FIGN: variants seen among roughly 807,000 people sequenced by gnomAD.
FIGN encodes the protein fidgetin, microtubule severing factor, also known as fidgetin.
FIGN carries 11 observed loss-of-function variants against 51.3 expected under a neutral mutation model. The ratio of observed to expected loss-of-function variants is 0.21; its 90% CI spans 0.13 to 0.35. The LOEUF is 0.35. Ranked by LOEUF, FIGN falls within the 10% of genes least tolerant of loss-of-function variation. The pLI, the probability that FIGN is intolerant of heterozygous loss-of-function variation, is 1.00. For missense variants in FIGN, 857 were observed against 943.6 expected (o/e 0.91, Z 1.20); for synonymous variants, 407 against 363.2 (o/e 1.12, Z -1.37).
chr2:163,664,804 A>G (rs997426684), intron 2 of FIGN, among the ~76,000 whole-genome samples: 3 of 152,232 alleles, frequency 2.0e-5, no homozygotes, highest in African/African-American at 7.2e-5. Flanking sequence ...ATTTCCTTCA[A>G]ATGAATTTGC....
chr2:163,614,641 T>C (rs960247309), intron 2 of FIGN, among the ~76,000 whole-genome samples: 2 of 151,984 alleles, frequency 1.3e-5, no homozygotes, highest in African/African-American at 4.8e-5. Flanking sequence ...CAACAAATAA[T>C]TTAGAAGTAC....
In FIGN at chr2:163,615,046, A is replaced by T. The variant is rs115146531; in HGVS notation, c.26-3240T>A. Reference sequence around the variant, plus strand: ...TTCGTAAGATTTCTTTTTTACCTGAAATTAAGCAAAGATCATATTTATCAA... The same window carrying T: ...TTCGTAAGATTTCTTTTTTACCTGATATTAAGCAAAGATCATATTTATCAA... On this transcript the variant is annotated intron_variant, in intron 2 of 2. Coordinates refer to ENST00000333129, the MANE Select transcript of FIGN (RefSeq NM_018086.4). Among the ~76,000 whole-genome samples, 1,265 of 152,254 alleles carry T rather than the reference A, an allele frequency of 8.3e-3. 14 individuals carry two copies. The highest frequency in any genetic ancestry group is 0.029 in the African/African-American group (1,199 of 41,534).
At chr2:163,684,900 G>A (rs930306136) in intron 2 of FIGN, among the ~76,000 whole-genome samples, 34 of 150,972 alleles carry the variant, frequency 2.3e-4, no homozygotes, top group Non-Finnish European at 3.4e-4. Context: ...TCAGCCTCCC[G>A]AGTAGCTGGG....
chr2:163,612,692 ATGTGTGTGTG>A (rs10678331), intron 2 of FIGN: 3 of 385,002 alleles, frequency 7.8e-6, no homozygotes, highest in African/African-American at 2.4e-5. Flanking sequence ...AGAGGGGAGA[ATGTGTGTGTG>A]TGTGTGTGTG....
chr2:163,714,669 T>A (rs536912195), intron 2 of FIGN, among the ~76,000 whole-genome samples: 2 of 152,214 alleles, frequency 1.3e-5, no homozygotes, highest in Admixed American at 6.5e-5. Flanking sequence ...CTGATTAGCA[T>A]CTTCCAACTT....
chr2:163,693,815 G>A (rs1014048014), intron 2 of FIGN, among the ~76,000 whole-genome samples: 9 of 152,130 alleles, frequency 5.9e-5, no homozygotes, highest in Non-Finnish European at 1.2e-4. Flanking sequence ...ATATATCTGA[G>A]GTGATACGAA....
intron 2 of FIGN, among the ~76,000 whole-genome samples, chr2:163,658,348 A>C (rs1683595222): frequency 6.8e-6 from 1 of 146,770 alleles, no homozygotes; most frequent in Non-Finnish European, 1.5e-5. Flanking sequence ...TTATCAGCGA[A>C]TCTTCTTAAG....
intron 2 of FIGN, among the ~76,000 whole-genome samples, chr2:163,710,083 CT>C (rs1214831549): frequency 6.6e-6 from 1 of 152,232 alleles, no homozygotes; most frequent in South Asian, 2.1e-4. Context: ...AGTTTTGTGC[CT>C]TCTACACAAA....
chr2:163,679,248 C>G (rs969829046), intron 2 of FIGN, among the ~76,000 whole-genome samples: 3 of 152,008 alleles, frequency 2.0e-5, no homozygotes, highest in African/African-American at 7.3e-5. Flanking sequence ...AATCCCAGCA[C>G]TTTGGGAGGC....
At chr2:163,622,383 T>A (rs976693794) in intron 2 of FIGN, among the ~76,000 whole-genome samples, 1 of 151,912 alleles carries the variant, frequency 6.6e-6, no homozygotes, top group African/African-American at 2.4e-5. Context: ...TTTGGTGGAG[T>A]TAAAGGCATA....
chr2:163,680,084 T>G (rs560381584), intron 2 of FIGN, among the ~76,000 whole-genome samples: 3 of 152,202 alleles, frequency 2.0e-5, no homozygotes, highest in Non-Finnish European at 4.4e-5. Context: ...TAAAGCATGT[T>G]TACTCAAAGG....
chr2:163,633,128 G>T (rs1683173218), intron 2 of FIGN, among the ~76,000 whole-genome samples: 2 of 152,086 alleles, frequency 1.3e-5, no homozygotes, highest in South Asian at 4.1e-4. Flanking sequence ...AGGCCGCAGT[G>T]AGCCATGAGT....
chr2:163,714,756 AGCTTCT>A (rs1684643027), intron 2 of FIGN, among the ~76,000 whole-genome samples: 1 of 152,238 alleles, frequency 6.6e-6, no homozygotes, highest in Non-Finnish European at 1.5e-5. Flanking sequence ...CACCTAAAGC[AGCTTCT>A]TGAAAATTAA....
At chr2:163,652,917 C>T (rs544402405) in intron 2 of FIGN, among the ~76,000 whole-genome samples, 8 of 152,038 alleles carry the variant, frequency 5.3e-5, no homozygotes, top group Admixed American at 3.3e-4. Context: ...ATTACTATAG[C>T]GTGAGGAATA....
chr2:163,706,514 C>T (rs1344282200), intron 2 of FIGN, among the ~76,000 whole-genome samples: 1 of 151,970 alleles, frequency 6.6e-6, no homozygotes, highest in African/African-American at 2.4e-5. Flanking sequence ...TAAAATAAAC[C>T]TAATCATGAT....
At chr2:163,632,913 AGGT>A (rs1262776802) in intron 2 of FIGN, among the ~76,000 whole-genome samples, 1 of 152,160 alleles carries the variant, frequency 6.6e-6, no homozygotes, top group Non-Finnish European at 1.5e-5. Context: ...TTCCTAGGCC[AGGT>A]TGGGTGGCTC....
chr2:163,667,179 C>T lies in FIGN; in HGVS notation c.26-55373G>A, dbSNP rs943411069. Among the ~76,000 whole-genome samples, 9 of 151,928 alleles carry T rather than the reference C, an allele frequency of 5.9e-5. No individual in the cohort carries two copies. In the East Asian group the frequency reaches 1.6e-3, roughly 26 times the overall value. ...CTGCATTCACACAGACTCACCAATA[C>T]AACTGATTTCATCTCTGACTTCTTT... On this transcript the variant is annotated intron_variant, in intron 2 of 2. Transcript: ENST00000333129.
chr2:163,624,666 A>G (rs1683026547), intron 2 of FIGN, among the ~76,000 whole-genome samples: 2 of 148,184 alleles, frequency 1.3e-5, no homozygotes, highest in South Asian at 4.2e-4. Flanking sequence ...ATTCCAAAGC[A>G]TCAAGGAAAG....
chr2:163,726,962 T>C (rs1684847429), intron 2 of FIGN, among the ~76,000 whole-genome samples: 1 of 152,100 alleles, frequency 6.6e-6, no homozygotes, highest in African/African-American at 2.4e-5. Flanking sequence ...CCTTCAATCT[T>C]AAGGGAACCT....
Sources: gnomAD v4.1 joint callset for allele counts (sites outside exome capture counted in the v4.1 genomes callset) on GRCh38, gnomAD v4.1.1 for gene constraint, MANE v1.5 for transcripts, NCBI Gene and HGNC (gene_info 2026-07-23, HGNC 2026-07-21) for gene names.